The following KIAA1143 variants were observed in gnomAD, a reference collection of about 807,000 sequenced individuals.
KIAA1143 encodes KIAA1143, also known as uncharacterized protein KIAA1143.
KIAA1143 carries 8 observed loss-of-function variants against 17.0 expected under a neutral mutation model. That is an observed-to-expected ratio of 0.47 (90% CI 0.28 to 0.85). The LOEUF (loss-of-function observed/expected upper bound fraction) is 0.85, where lower values mean the gene tolerates loss of function less well. Among genes scored for constraint, KIAA1143 ranks in the 40% least tolerant of loss-of-function variants. KIAA1143 has a pLI of 0.12. For missense variants in KIAA1143, 162 were observed against 183.3 expected (o/e 0.88, Z 0.67); for synonymous variants, 64 against 67.8 (o/e 0.94, Z 0.27).
At position 44,751,975 on chromosome 3, in the gene KIAA1143, G is replaced by A. The variant is rs1376469487; in HGVS notation, c.*1366C>T. The A allele has an allele frequency of 6.6e-6, 1 of 152,110 alleles. No individual in the cohort carries two copies. The highest frequency in any genetic ancestry group is 2.1e-4 in the South Asian group (1 of 4,830). The allele number at this position is 152,110 out of a possible 1,614,324, so 9.4% of individuals were successfully genotyped here. On this transcript the variant is annotated 3_prime_UTR_variant, in exon 3 of 3. Coordinates refer to ENST00000296121, the MANE Select transcript of KIAA1143 (RefSeq NM_020696.4). ...TCCCATAAAGATTTACGAGGATCACGTCTCTCAGGGGGAAAATGAGGCAGG... is the reference window on the plus strand; with the variant it reads ...TCCCATAAAGATTTACGAGGATCACATCTCTCAGGGGGAAAATGAGGCAGG...
intron 1 of KIAA1143, among the ~76,000 whole-genome samples, chr3:44,757,879 G>A (rs1277602897): frequency 2.6e-5 from 4 of 152,160 alleles, no homozygotes; most frequent in East Asian, 1.9e-4. Flanking sequence ...TGAAGATACC[G>A]CAGATTTGGT....
intron 1 of KIAA1143, among the ~76,000 whole-genome samples, chr3:44,760,700 T>C (rs1705082692): frequency 6.6e-6 from 1 of 151,342 alleles, no homozygotes. Flanking sequence ...TTTTTTTTTT[T>C]TTTGAGACGG....
intron 1 of KIAA1143, among the ~76,000 whole-genome samples, chr3:44,759,947 C>A (rs566973131): frequency 6.9e-6 from 1 of 145,330 alleles, no homozygotes; most frequent in East Asian, 2.2e-4. Context: ...CAATAGAAGG[C>A]TGTTTCATCT....
rs753374229 is a variant in KIAA1143 at position 44,761,452 on chromosome 3, G to C, written c.108+43C>G. The C allele has an allele frequency of 1.1e-5, 17 of 1,488,948 alleles. No individual in the cohort carries two copies. The Admixed American group carries it at 3.2e-4, about 28-fold the overall frequency. 92.2% of individuals were successfully genotyped at this position (1,488,948 alleles called of 1,614,324 possible). A position where few individuals can be genotyped will look rare whatever the true frequency, so the allele number is the denominator to read the frequency against. ...GTAGAGGCAAAAGTTGAAAGTGGCG[G>C]GCTGGCTGCGCTTCCGAAGAAACAC... On this transcript the variant is annotated intron_variant, in intron 1 of 2. Transcript: ENST00000296121.
intron 1 of KIAA1143, among the ~76,000 whole-genome samples, chr3:44,757,856 T>G (rs1056473265): frequency 6.6e-6 from 1 of 152,248 alleles, no homozygotes; most frequent in Non-Finnish European, 1.5e-5. Context: ...ATACTCATTC[T>G]ACTGGCATAC....
At chr3:44,757,919 A>G (rs917030754) in intron 1 of KIAA1143, among the ~76,000 whole-genome samples, 14 of 152,226 alleles carry the variant, frequency 9.2e-5, no homozygotes, top group African/African-American at 3.1e-4. Flanking sequence ...GCAAGTATCA[A>G]AATAAATTGT....
intron 1 of KIAA1143, among the ~76,000 whole-genome samples, chr3:44,761,152 GTAACTC>G (rs1705105423): frequency 1.3e-5 from 2 of 152,188 alleles, no homozygotes; most frequent in African/African-American, 4.8e-5. Context: ...GGACGACGCT[GTAACTC>G]TAACTCACCC....
intron 1 of KIAA1143, among the ~76,000 whole-genome samples, chr3:44,761,089 G>A (rs560488680): frequency 6.6e-6 from 1 of 152,326 alleles, no homozygotes; most frequent in Admixed American, 6.5e-5. Context: ...CCTAGGACAT[G>A]GTTGGGGCGG....
chr3:44,756,979 A>G (rs1344597912), intron 1 of KIAA1143, among the ~76,000 whole-genome samples: 2 of 152,154 alleles, frequency 1.3e-5, no homozygotes, highest in Non-Finnish European at 2.9e-5. Flanking sequence ...TATATTGCCA[A>G]ACTGATTAAA....
chr3:44,759,842 C>CTGTGATTG (rs1705035728), intron 1 of KIAA1143, among the ~76,000 whole-genome samples: 1 of 142,140 alleles, frequency 7.0e-6, no homozygotes, highest in Non-Finnish European at 1.5e-5. Flanking sequence ...CTGCAGTGAG[C>CTGTGATTG]TGTGATTGCA....
intron 1 of KIAA1143, among the ~76,000 whole-genome samples, chr3:44,755,873 GA>G (rs1704960986): frequency 6.6e-6 from 1 of 152,252 alleles, no homozygotes; most frequent in African/African-American, 2.4e-5. Flanking sequence ...ATGACCAACA[GA>G]ATGGAAAATG....
At chr3:44,755,746 T>A (rs1182414477) in intron 1 of KIAA1143, among the ~76,000 whole-genome samples, 1 of 152,218 alleles carries the variant, frequency 6.6e-6, no homozygotes, top group East Asian at 1.9e-4. Flanking sequence ...GTAGCATGTA[T>A]TGCACTGTGG....
chr3:44,755,668 T>C (rs1209185304), intron 1 of KIAA1143, among the ~76,000 whole-genome samples: 1 of 152,226 alleles, frequency 6.6e-6, no homozygotes, highest in Non-Finnish European at 1.5e-5. Context: ...CTTCCAGATT[T>C]AGAGCCTCTA....
chr3:44,751,235 C>T lies in KIAA1143; in HGVS notation c.*2106G>A, dbSNP rs1704887971. 6.6e-6 allele frequency: 1 copy of T among 151,842 alleles called. No homozygotes were observed. Among genetic ancestry groups the T allele is most frequent in the South Asian group, 2.1e-4 (1 of 4,814 alleles). The allele number at this position is 151,842 out of a possible 1,614,324, so 9.4% of individuals were successfully genotyped here. On this transcript the variant is annotated 3_prime_UTR_variant, in exon 3 of 3. Transcript: ENST00000296121. ...ACTGGAGACAGAAATATTGTATGTC[C>T]CTAAATTAATATAGCTCCCAACAAC... is the stretch of plus-strand genomic sequence containing the variant.
At position 44,754,089 on chromosome 3, in the gene KIAA1143, T is replaced by A. The variant is rs372816587; in HGVS notation, c.253+135A>T. On this transcript the variant is annotated intron_variant, in intron 2 of 2. Transcript: ENST00000296121. ...GTAATAACTTGCTCAAGGTTACACATCTGGTAAGTGTCAAAGCTAAGGCTT... is the reference window on the plus strand; with the variant it reads ...GTAATAACTTGCTCAAGGTTACACAACTGGTAAGTGTCAAAGCTAAGGCTT... 2,389 of 775,296 alleles carry A rather than the reference T, an allele frequency of 3.1e-3. 67 individuals carry two copies. In the South Asian group the frequency reaches 0.041, roughly 13 times the overall value. The allele number at this position is 775,296 out of a possible 1,614,324, so 48.0% of individuals were successfully genotyped here.
Position 44,754,321 on chromosome 3 carries a change from T to G in KIAA1143, c.156A>C (p.Lys52Asn). Residue 52 changes from lysine (K) to asparagine (N), a missense_variant, in exon 2 of 3, where the codon AAA becomes AAC. This residue lies in a region of KIAA1143 where 137 missense variants were observed against 132.5 expected (regional missense o/e 1.03). Transcript: ENST00000296121. ...PPDEDGDHSD[K>N]EDEQPQVVVL... ...CCACCACTTGAGGCTGTTCATCTTC[T>G]TTGTCACTGTGATCCCCATCTTCAT... The G allele has an allele frequency of 6.2e-7, 1 of 1,614,102 alleles. No individual in the cohort carries two copies.
At position 44,753,061 on chromosome 3, in the gene KIAA1143, T is replaced by G. The variant is rs536578633; in HGVS notation, c.*280A>C. 4.3e-6 allele frequency: 1 copy of G among 234,896 alleles called. No homozygotes were observed. Among genetic ancestry groups the G allele is most frequent in the East Asian group, 9.2e-5 (1 of 10,826 alleles). The allele number at this position is 234,896 out of a possible 1,614,324, so 14.6% of individuals were successfully genotyped here. ...TGCAATACAGTTGTATTTATAAAATTTTGTTTACACACAAAAAATGTATTT... is the reference window on the plus strand; with the variant it reads ...TGCAATACAGTTGTATTTATAAAATGTTGTTTACACACAAAAAATGTATTT... On this transcript the variant is annotated 3_prime_UTR_variant, in exon 3 of 3. Transcript: ENST00000296121.
intron 2 of KIAA1143, 71 bp from the exon 3 acceptor site, chr3:44,753,623 T>G: frequency 7.2e-7 from 1 of 1,392,024 alleles, no homozygotes; most frequent in Non-Finnish European, 9.9e-7. Context: ...AAGCAAATAA[T>G]AAGAAAATCT....
At chr3:44,755,282 T>C (rs1704953704) in intron 1 of KIAA1143, among the ~76,000 whole-genome samples, 1 of 152,260 alleles carries the variant, frequency 6.6e-6, no homozygotes, top group South Asian at 2.1e-4. Flanking sequence ...CACCCATTTT[T>C]GCTCACTTTT....
Sources: gnomAD v4.1 joint callset for allele counts (sites outside exome capture counted in the v4.1 genomes callset) on GRCh38, gnomAD v4.1.1 for gene constraint, gnomAD v4.1.1 regional missense constraint, MANE v1.5 for transcripts, NCBI Gene and HGNC (gene_info 2026-07-23, HGNC 2026-07-21) for gene names.